CNTNAP5: variants seen among roughly 807,000 people sequenced by gnomAD.
CNTNAP5 encodes contactin-associated protein-like 5.
Under a neutral mutation model 150.2 loss-of-function variants are expected in CNTNAP5, and 72 were observed. The ratio of observed to expected loss-of-function variants is 0.48; its 90% CI spans 0.40 to 0.58. The LOEUF (loss-of-function observed/expected upper bound fraction) is 0.58, where lower values mean the gene tolerates loss of function less well. Among genes scored for constraint, CNTNAP5 ranks in the 20% least tolerant of loss-of-function variants. CNTNAP5 has a pLI of 0.00. For synonymous variants in CNTNAP5, 672 were observed against 619.8 expected (o/e 1.08, Z -1.25); for missense variants, 1,636 against 1,626.2 (o/e 1.01, Z -0.10).
chr2:124,247,427 G>A (rs565074612), intron 3 of CNTNAP5, among the ~76,000 whole-genome samples: 4 of 152,220 alleles, frequency 2.6e-5, no homozygotes, highest in South Asian at 2.1e-4. Context: ...ATGGTAGCAC[G>A]GCAGCAGTTC....
intron 19 of CNTNAP5, among the ~76,000 whole-genome samples, chr2:124,810,575 A>G (rs889096261): frequency 5.3e-5 from 8 of 152,256 alleles, no homozygotes; most frequent in Middle Eastern, 3.4e-3. Flanking sequence ...GAATACCAGG[A>G]GGCAGGGATT....
intron 19 of CNTNAP5, among the ~76,000 whole-genome samples, chr2:124,852,772 A>G (rs1368149423): frequency 6.6e-6 from 1 of 152,202 alleles, no homozygotes; most frequent in South Asian, 2.1e-4. Context: ...GAAGACCTGG[A>G]AAGAAGTGCA....
At chr2:124,265,771 A>T (rs936438090) in intron 3 of CNTNAP5, among the ~76,000 whole-genome samples, 5 of 152,088 alleles carry the variant, frequency 3.3e-5, no homozygotes, top group African/African-American at 1.2e-4. Flanking sequence ...CTTCTGCTCC[A>T]GCAGCTCTGG....
chr2:124,806,443 G>T lies in CNTNAP5; in HGVS notation c.3217+8123G>T, dbSNP rs540710315. On this transcript the variant is annotated intron_variant, in intron 19 of 23. Coordinates refer to ENST00000682447, the MANE Select transcript of CNTNAP5 (RefSeq NM_001367498.1). ...CATATTCTTTTTGAGATTCTGTCCT[G>T]CCACCTGTGATGTATGTGTGGGAGG... Among the ~76,000 whole-genome samples the T allele has an allele frequency of 2.6e-5, 4 of 152,272 alleles. No homozygotes were observed. The South Asian group carries it at 8.3e-4, about 32-fold the overall frequency.
At chr2:124,490,662 T>C (rs1220254557) in intron 7 of CNTNAP5, among the ~76,000 whole-genome samples, 4 of 152,110 alleles carry the variant, frequency 2.6e-5, no homozygotes, top group African/African-American at 9.7e-5. Context: ...TGTGTAACTA[T>C]TGAACATTTG....
chr2:124,222,407 C>T (rs924068449), intron 2 of CNTNAP5, among the ~76,000 whole-genome samples: 11 of 152,046 alleles, frequency 7.2e-5, no homozygotes, highest in African/African-American at 1.7e-4. Context: ...TAGGCAGATA[C>T]GTTTTAGTCA....
At chr2:124,602,364 T>G (rs1352463248) in intron 11 of CNTNAP5, among the ~76,000 whole-genome samples, 1 of 120,668 alleles carries the variant, frequency 8.3e-6, no homozygotes, top group African/African-American at 3.1e-5. Context: ...AAAAAAAGAA[T>G]AAAGGCAATA....
intron 5 of CNTNAP5, among the ~76,000 whole-genome samples, chr2:124,444,900 C>A (rs1692773427): frequency 6.6e-6 from 1 of 152,124 alleles, no homozygotes; most frequent in South Asian, 2.1e-4. Flanking sequence ...CCGCACTCTG[C>A]ATTTCCATGG....
At chr2:124,256,288 G>T (rs991549121) in intron 3 of CNTNAP5, among the ~76,000 whole-genome samples, 1 of 152,140 alleles carries the variant, frequency 6.6e-6, no homozygotes, top group Non-Finnish European at 1.5e-5. Context: ...GCAAACTAAG[G>T]ATATGCCGTA....
chr2:124,712,446 T>G (rs541360904), intron 13 of CNTNAP5, among the ~76,000 whole-genome samples: 2 of 152,356 alleles, frequency 1.3e-5, no homozygotes, highest in Admixed American at 1.3e-4. Flanking sequence ...CTGCCTGATT[T>G]GGAGCTCTGC....
chr2:124,838,904 G>A (rs1337956408), intron 19 of CNTNAP5, among the ~76,000 whole-genome samples: 3 of 151,954 alleles, frequency 2.0e-5, no homozygotes, highest in Non-Finnish European at 4.4e-5. Flanking sequence ...TTCTTTGATA[G>A]GTACTGAAGA....
intron 6 of CNTNAP5, among the ~76,000 whole-genome samples, chr2:124,467,063 C>T (rs995543918): frequency 1.3e-5 from 2 of 151,998 alleles, no homozygotes; most frequent in African/African-American, 2.4e-5. Flanking sequence ...CAAAACAGGC[C>T]GTTGTAAAAT....
chr2:124,713,306 TTCTC>T (rs1318452758), intron 13 of CNTNAP5, among the ~76,000 whole-genome samples: 1 of 94,828 alleles, frequency 1.1e-5, no homozygotes, highest in Non-Finnish European at 2.4e-5. Context: ...TCTTTCTTCT[TTCTC>T]TTTCTTTCCT....
In CNTNAP5 at chr2:124,540,893, A is replaced by T. The variant is rs149850461; in HGVS notation, c.1649+13437A>T. 1.8e-4 allele frequency among the ~76,000 whole-genome samples: 28 copies of T among 152,268 alleles called. No individual in the cohort carries two copies. The East Asian group carries it at 5.0e-3, about 27-fold the overall frequency. Reference sequence around the variant, plus strand: ...AAATACCATGAGTGTCCTCATGCACATAAATAGAGCACCAGGAGAGAACCT... The same window carrying T: ...AAATACCATGAGTGTCCTCATGCACTTAAATAGAGCACCAGGAGAGAACCT... On this transcript the variant is annotated intron_variant, in intron 10 of 23. Coordinates refer to ENST00000682447, the MANE Select transcript of CNTNAP5 (RefSeq NM_001367498.1).
intron 10 of CNTNAP5, among the ~76,000 whole-genome samples, chr2:124,531,480 A>T (rs955738710): frequency 4.6e-5 from 7 of 152,134 alleles, no homozygotes; most frequent in Admixed American, 4.6e-4. Flanking sequence ...ACAGCTGTTG[A>T]TACACCCTCT....
In CNTNAP5 at chr2:124,707,042, G is replaced by A. The variant is rs867172418; in HGVS notation, c.2078-40187G>A. Reference sequence around the variant, plus strand: ...GGAGAAGAAGAAGAAGAAGAAGAAGGAGGAGGAGGAGGAGGAGGAGAGGAA... The same window carrying A: ...GGAGAAGAAGAAGAAGAAGAAGAAGAAGGAGGAGGAGGAGGAGGAGAGGAA... On this transcript the variant is annotated intron_variant, in intron 13 of 23. Coordinates refer to ENST00000682447, the MANE Select transcript of CNTNAP5 (RefSeq NM_001367498.1). Among the ~76,000 whole-genome samples the A allele has an allele frequency of 8.4e-3, 638 of 75,962 alleles. 36 individuals carry two copies. Among genetic ancestry groups the A allele is most frequent in the African/African-American group, 0.026 (459 of 17,376 alleles). 49.8% of individuals were successfully genotyped at this position (75,962 alleles called of 152,430 possible). A position where few individuals can be genotyped will look rare whatever the true frequency, so the allele number is the denominator to read the frequency against.
intron 21 of CNTNAP5, among the ~76,000 whole-genome samples, chr2:124,894,796 T>A (rs1193792073): frequency 6.6e-6 from 1 of 151,386 alleles, no homozygotes; most frequent in Non-Finnish European, 1.5e-5. Context: ...CAAGCAATCC[T>A]CCTGCCTTGG....
chr2:124,361,309 C>T (rs1237601251), intron 3 of CNTNAP5, among the ~76,000 whole-genome samples: 1 of 144,994 alleles, frequency 6.9e-6, no homozygotes, highest in Non-Finnish European at 1.5e-5. Context: ...TCTCTCAGCT[C>T]ATCAAAGTCA....
intron 5 of CNTNAP5, among the ~76,000 whole-genome samples, chr2:124,436,533 C>T (rs1333130652): frequency 6.6e-6 from 1 of 152,146 alleles, no homozygotes; most frequent in Non-Finnish European, 1.5e-5. Context: ...AATACATTTT[C>T]TATAGCAATG....
Sources: allele counts gnomAD v4.1 joint callset (sites outside exome capture counted in the v4.1 genomes callset), GRCh38; gene constraint gnomAD v4.1.1; transcripts MANE v1.5; gene names NCBI Gene and HGNC (gene_info 2026-07-23, HGNC 2026-07-21).